Variants in PPP2R3A observed in about 807,000 individuals in gnomAD.
The protein encoded by PPP2R3A is protein phosphatase 2 regulatory subunit B''alpha, also known as serine/threonine-protein phosphatase 2A regulatory subunit B'' subunit alpha.
PPP2R3A carries 80 observed loss-of-function variants against 106.9 expected under a neutral mutation model. The ratio of observed to expected loss-of-function variants is 0.75; its 90% confidence interval spans 0.62 to 0.90. PPP2R3A has a LOEUF of 0.90. PPP2R3A is among the 40% of genes least tolerant of loss of function. The probability of loss-of-function intolerance (pLI) is 0.00; values close to 1 mark genes in which losing one functional copy is unlikely to be tolerated. For synonymous variants in PPP2R3A, 483 were observed against 468.3 expected (o/e 1.03, Z -0.41); for missense variants, 1,386 against 1,350.4 (o/e 1.03, Z -0.41).
At chr3:136,009,798 T>C (rs966215639) in intron 2 of PPP2R3A, among the ~76,000 whole-genome samples, 1 of 152,210 alleles carries the variant, frequency 6.6e-6, no homozygotes, top group African/African-American at 2.4e-5. Context: ...TTGAATATAC[T>C]CTGAGGTTCC....
intron 10 of PPP2R3A, among the ~76,000 whole-genome samples, chr3:136,098,808 A>T (rs993314668): frequency 6.6e-6 from 1 of 152,184 alleles, no homozygotes; most frequent in African/African-American, 2.4e-5. Context: ...GATACTAGGA[A>T]CCTTGGAAGT....
chr3:135,967,957 T>C (rs544732261), intron 1 of PPP2R3A, among the ~76,000 whole-genome samples: 1 of 152,300 alleles, frequency 6.6e-6, no homozygotes, highest in East Asian at 1.9e-4. Flanking sequence ...ACACACACAG[T>C]TGTGAACATC....
chr3:135,985,374 T>TC (rs1937596334), intron 1 of PPP2R3A, among the ~76,000 whole-genome samples: 1 of 134,974 alleles, frequency 7.4e-6, no homozygotes, highest in Non-Finnish European at 1.6e-5. Context: ...CTCTCTCCCT[T>TC]CCTCTCTCCC....
intron 1 of PPP2R3A, among the ~76,000 whole-genome samples, chr3:135,996,435 A>G (rs1417143071): frequency 1.3e-5 from 2 of 152,224 alleles, no homozygotes; most frequent in African/African-American, 2.4e-5. Flanking sequence ...GCCTGATGAA[A>G]AAATAGACCT....
Position 136,090,498 on chromosome 3 carries a change from C to A in PPP2R3A, c.2838-80C>A. On this transcript the variant is annotated intron_variant, in intron 9 of 13. Transcript: ENST00000264977. ...TTAAAAAATTTTAACTGACATACTA[C>A]TTTATTTCTTAGCCTATCATCCTGA... 4.1e-6 allele frequency: 5 copies of A among 1,207,278 alleles called. No homozygotes were observed. In the South Asian group the frequency reaches 6.6e-5, roughly 16 times the overall value. The allele number at this position is 1,207,278 out of a possible 1,614,324, so 74.8% of individuals were successfully genotyped here. A position where few individuals can be genotyped will look rare whatever the true frequency, so the allele number is the denominator to read the frequency against.
intron 13 of PPP2R3A, among the ~76,000 whole-genome samples, chr3:136,130,088 C>T (rs1385521168): frequency 6.6e-6 from 1 of 152,150 alleles, no homozygotes; most frequent in Non-Finnish European, 1.5e-5. Context: ...TGGAAGCATT[C>T]CCTTTGAAAA....
chr3:135,983,410 A>T (rs981663089), intron 1 of PPP2R3A, among the ~76,000 whole-genome samples: 3 of 152,214 alleles, frequency 2.0e-5, no homozygotes, highest in Non-Finnish European at 4.4e-5. Context: ...CTGCCACCTG[A>T]ATCCCATCAT....
At chr3:135,974,898 G>A (rs1444667982) in intron 1 of PPP2R3A, among the ~76,000 whole-genome samples, 1 of 152,218 alleles carries the variant, frequency 6.6e-6, no homozygotes, top group Non-Finnish European at 1.5e-5. Flanking sequence ...GTCATTAAGG[G>A]CTTAGGAATC....
chr3:136,038,684 C>T (rs896109500), intron 3 of PPP2R3A, among the ~76,000 whole-genome samples: 5 of 152,184 alleles, frequency 3.3e-5, no homozygotes, highest in African/African-American at 1.2e-4. Flanking sequence ...GATTCTTTCC[C>T]AGTAGTTGCC....
At chr3:136,003,614 T>C (rs1438262268) in intron 2 of PPP2R3A, 121 bp downstream of exon 2, 1 of 800,464 alleles carries the variant, frequency 1.2e-6, no homozygotes, top group Non-Finnish European at 1.9e-6. Context: ...TGCCCTACAC[T>C]AGGAATGATC....
At chr3:136,137,958 T>C (rs578196806) in intron 13 of PPP2R3A, among the ~76,000 whole-genome samples, 1 of 152,104 alleles carries the variant, frequency 6.6e-6, no homozygotes, top group Admixed American at 6.5e-5. Context: ...GTGAGAAGTA[T>C]GAAGCCCAAC....
Position 136,003,008 on chromosome 3 carries a change from A to G in PPP2R3A, c.1510A>G (p.Ser504Gly), listed in dbSNP as rs201206858. The G allele has an allele frequency of 6.2e-7, 1 of 1,613,706 alleles. No individual in the cohort carries two copies. The highest frequency in any genetic ancestry group is 2.2e-5 in the East Asian group (1 of 44,874). The change falls in exon 2 of 14, where the codon AGT becomes GGT. Residue 504 changes from serine (S) to glycine (G), a missense_variant. Transcript: ENST00000264977. ...EGDQRDFTNS[S>G]SQEEIDKLLM... ...AGACCAGAGAGATTTTACAAATTCC[A>G]GTAGCCAGGAAGAGATAGATAAATT...
At position 136,002,046 on chromosome 3, in the gene PPP2R3A, A is replaced by C; in HGVS notation, c.548A>C (p.Glu183Ala). Residue 183 changes from glutamate to alanine, a missense_variant, in exon 2 of 14, where the codon GAG becomes GCG. By Grantham distance (107) the Glu-to-Ala change is moderately radical. Transcript: ENST00000264977. Reference protein sequence around the residue: ...SFGLLRSSSVEEKPLSHRNSL... With the variant: ...SFGLLRSSSVAEKPLSHRNSL... ...GGTTTACTGCGGAGTTCCTCAGTTG[A>C]GGAAAAACCTTTGTCTCATAGAAAC... The C allele has an allele frequency of 6.2e-7, 1 of 1,613,894 alleles. No homozygotes were observed. Among genetic ancestry groups the C allele is most frequent in the South Asian group, 1.1e-5 (1 of 90,982 alleles).
chr3:136,057,636 G>A (rs1434820122), intron 5 of PPP2R3A, among the ~76,000 whole-genome samples: 2 of 152,082 alleles, frequency 1.3e-5, no homozygotes, highest in African/African-American at 4.8e-5. Context: ...ATTTTTAAAT[G>A]GTGAAGAATC....
At chr3:136,083,546 A>G (rs1386756731) in intron 8 of PPP2R3A, among the ~76,000 whole-genome samples, 3 of 152,188 alleles carry the variant, frequency 2.0e-5, no homozygotes, top group Non-Finnish European at 2.9e-5. Flanking sequence ...TGTCTTTACT[A>G]GCAGCATGAG....
intron 5 of PPP2R3A, among the ~76,000 whole-genome samples, chr3:136,049,776 G>A (rs1216767823): frequency 1.3e-5 from 2 of 152,174 alleles, no homozygotes; most frequent in Non-Finnish European, 2.9e-5. Context: ...ATGTAACCAG[G>A]ATCACTCTCA....
intron 3 of PPP2R3A, among the ~76,000 whole-genome samples, chr3:136,035,336 T>G (rs933971365): frequency 1.3e-5 from 2 of 152,246 alleles, no homozygotes; most frequent in Non-Finnish European, 1.5e-5. Context: ...GTGGGATTTA[T>G]GCTTTAAAGA....
chr3:136,023,653 T>A lies in PPP2R3A; in HGVS notation c.1996-3179T>A, dbSNP rs145120168. 9.2e-5 allele frequency among the ~76,000 whole-genome samples: 14 copies of A among 152,280 alleles called. No homozygotes were observed. The East Asian group carries it at 2.7e-3, about 29-fold the overall frequency. On this transcript the variant is annotated intron_variant, in intron 2 of 13. Coordinates refer to ENST00000264977, the MANE Select transcript of PPP2R3A (RefSeq NM_002718.5). ...GTAACAAATGTTTGTTTAAAAAGTA[T>A]GTTAATCCTGGTAATCTTTTTTTAA... is the stretch of plus-strand genomic sequence containing the variant.
chr3:136,049,930 A>G (rs2107863817), intron 5 of PPP2R3A, among the ~76,000 whole-genome samples: 1 of 152,150 alleles, frequency 6.6e-6, no homozygotes, highest in South Asian at 2.1e-4. Context: ...AACTAGAATC[A>G]AGTGCATGGA....
Sources: allele counts gnomAD v4.1 joint callset (sites outside exome capture counted in the v4.1 genomes callset), GRCh38; gene constraint gnomAD v4.1.1; transcripts MANE v1.5; gene names NCBI Gene and HGNC (gene_info 2026-07-23, HGNC 2026-07-21).